The following CPQ variants were observed in gnomAD, a reference collection of about 807,000 sequenced individuals.
CPQ encodes Ser-Met dipeptidase.
Under a neutral mutation model 45.7 loss-of-function variants are expected in CPQ, and 37 were observed. The ratio of observed to expected loss-of-function variants is 0.81; its 90% CI spans 0.62 to 1.07. The LOEUF (loss-of-function observed/expected upper bound fraction) is 1.07, where lower values mean the gene tolerates loss of function less well. Ranked by LOEUF, CPQ falls within the 50% of genes least tolerant of loss-of-function variation. The pLI, the probability that CPQ is intolerant of heterozygous loss-of-function variation, is 0.00. For synonymous variants in CPQ, 186 were observed against 205.8 expected (o/e 0.90, Z 0.82); for missense variants, 537 against 572.9 (o/e 0.94, Z 0.64).
chr8:96,809,781 C>T (rs917901238), intron 2 of CPQ, among the ~76,000 whole-genome samples: 5 of 151,682 alleles, frequency 3.3e-5, no homozygotes, highest in Non-Finnish European at 7.4e-5. Context: ...AAAAATAGTT[C>T]CCTCATGAAA....
chr8:96,781,941 C>A (rs980371945), intron 1 of CPQ, among the ~76,000 whole-genome samples: 2 of 152,164 alleles, frequency 1.3e-5, no homozygotes. Flanking sequence ...AAATAATTTT[C>A]TTTGACTCCA....
chr8:96,738,435 T>A, intron 1 of CPQ, among the ~76,000 whole-genome samples: 1 of 151,830 alleles, frequency 6.6e-6, no homozygotes, highest in South Asian at 2.1e-4. Flanking sequence ...TTATTCATTT[T>A]TATTTTTTAT....
At chr8:96,941,602 G>A (rs1268863905) in intron 4 of CPQ, among the ~76,000 whole-genome samples, 4 of 152,056 alleles carry the variant, frequency 2.6e-5, no homozygotes, top group Non-Finnish European at 5.9e-5. Flanking sequence ...TGAGTAGATG[G>A]AGCAACCAAG....
At chr8:96,793,528 A>G (rs1810880688) in intron 2 of CPQ, among the ~76,000 whole-genome samples, 1 of 152,198 alleles carries the variant, frequency 6.6e-6, no homozygotes, top group Admixed American at 6.5e-5. Context: ...GTGGAAATTC[A>G]AGATCAGAGT....
chr8:97,061,149 G>A lies in CPQ; in HGVS notation c.1054-4860G>A, dbSNP rs184703251. Among the ~76,000 whole-genome samples, 22 of 151,920 alleles carry A rather than the reference G, an allele frequency of 1.4e-4. No homozygotes were observed. In the East Asian group the frequency reaches 3.7e-3, roughly 25 times the overall value. On this transcript the variant is annotated intron_variant, in intron 6 of 7. Coordinates refer to ENST00000220763, the MANE Select transcript of CPQ (RefSeq NM_016134.4). ...ATCAAACATTTCTATACCTATGCCA[G>A]AATTCTGGTTTACTGATATCTACAC... is the stretch of plus-strand genomic sequence containing the variant.
At chr8:96,947,933 C>G (rs544717506) in intron 4 of CPQ, among the ~76,000 whole-genome samples, 1 of 152,074 alleles carries the variant, frequency 6.6e-6, no homozygotes, top group Admixed American at 6.6e-5. Flanking sequence ...GGTAGCTAGT[C>G]AACAACTTGG....
At chr8:96,907,121 G>T (rs1812589761) in intron 4 of CPQ, among the ~76,000 whole-genome samples, 1 of 152,132 alleles carries the variant, frequency 6.6e-6, no homozygotes, top group African/African-American at 2.4e-5. Flanking sequence ...GTAAAGTATA[G>T]CTGCTGTAAC....
At chr8:96,855,685 C>G (rs189367653) in intron 3 of CPQ, among the ~76,000 whole-genome samples, 2 of 152,262 alleles carry the variant, frequency 1.3e-5, no homozygotes, top group East Asian at 3.9e-4. Context: ...CAAGCAAGGT[C>G]CCTTCCCTCA....
chr8:96,819,104 C>T (rs1563504892), intron 2 of CPQ, among the ~76,000 whole-genome samples: 1 of 152,170 alleles, frequency 6.6e-6, no homozygotes, highest in Admixed American at 6.6e-5. Flanking sequence ...AATTCCATCA[C>T]ATAGCTCCCT....
In CPQ at chr8:96,713,679, T is replaced by C. The variant is rs566863128; in HGVS notation, c.-35+68277T>C. Among the ~76,000 whole-genome samples the C allele has an allele frequency of 7.2e-5, 11 of 152,270 alleles. No individual in the cohort carries two copies. In the South Asian group the frequency reaches 1.9e-3, roughly 26 times the overall value. On this transcript the variant is annotated intron_variant, in intron 1 of 7. Transcript: ENST00000220763. Reference sequence around the variant, plus strand: ...TTCCTTCCACAGTGCATGGGGATTATGGGAACTACAACTCAAGATGAGATT... The same window carrying C: ...TTCCTTCCACAGTGCATGGGGATTACGGGAACTACAACTCAAGATGAGATT...
At chr8:97,127,762 T>C (rs1255242980) in intron 7 of CPQ, among the ~76,000 whole-genome samples, 2 of 152,022 alleles carry the variant, frequency 1.3e-5, no homozygotes, top group African/African-American at 4.8e-5. Context: ...CACTAAAATG[T>C]CCAAAACAAA....
intron 2 of CPQ, among the ~76,000 whole-genome samples, chr8:96,816,678 T>G (rs1464326509): frequency 6.6e-6 from 1 of 152,206 alleles, no homozygotes; most frequent in Non-Finnish European, 1.5e-5. Flanking sequence ...TTGAAATTGC[T>G]ATTTGATCCA....
At chr8:96,881,102 T>C (rs985123228) in intron 4 of CPQ, among the ~76,000 whole-genome samples, 1 of 152,186 alleles carries the variant, frequency 6.6e-6, no homozygotes, top group African/African-American at 2.4e-5. Context: ...TTAATACTTA[T>C]TGTGTTAATT....
intron 7 of CPQ, among the ~76,000 whole-genome samples, chr8:97,123,706 T>C (rs1276030022): frequency 6.6e-6 from 1 of 152,018 alleles, no homozygotes; most frequent in African/African-American, 2.4e-5. Context: ...CATGCCCCAT[T>C]AAAAGACAGA....
chr8:96,712,346 A>G (rs1169312573), intron 1 of CPQ, among the ~76,000 whole-genome samples: 5 of 152,132 alleles, frequency 3.3e-5, no homozygotes, highest in Non-Finnish European at 4.4e-5. Flanking sequence ...TCACAGCTCC[A>G]CTAGGCAGTG....
chr8:96,704,786 G>GTGGA (rs371392861), intron 1 of CPQ, among the ~76,000 whole-genome samples: 12 of 152,264 alleles, frequency 7.9e-5, no homozygotes, highest in Admixed American at 1.3e-4. Context: ...AGACTACTGA[G>GTGGA]TGGATAGTGC....
intron 1 of CPQ, among the ~76,000 whole-genome samples, chr8:96,654,102 T>C (rs1021033590): frequency 3.9e-5 from 6 of 152,200 alleles, no homozygotes; most frequent in Admixed American, 1.3e-4. Context: ...CTGATGTTAA[T>C]TTGCTTTTTG....
At chr8:97,039,455 T>C (rs1353819060) in intron 6 of CPQ, among the ~76,000 whole-genome samples, 1 of 151,650 alleles carries the variant, frequency 6.6e-6, no homozygotes, top group East Asian at 1.9e-4. Flanking sequence ...TAAACAATTG[T>C]GATTCTTTTT....
intron 2 of CPQ, among the ~76,000 whole-genome samples, chr8:96,795,080 TC>T (rs769197752): frequency 6.6e-6 from 1 of 152,212 alleles, no homozygotes; most frequent in Non-Finnish European, 1.5e-5. Context: ...TTTTTGGGTA[TC>T]TTTTCAGCAG....
Sources: gnomAD v4.1 joint callset for allele counts (sites outside exome capture counted in the v4.1 genomes callset) on GRCh38, gnomAD v4.1.1 for gene constraint, MANE v1.5 for transcripts, NCBI Gene and HGNC (gene_info 2026-07-23, HGNC 2026-07-21) for gene names.